The following EARS2 variants were observed in gnomAD, a reference collection of about 807,000 sequenced individuals.
EARS2 encodes the protein glutamyl-tRNA synthetase 2, mitochondrial.
Under a neutral mutation model 54.1 loss-of-function variants are expected in EARS2, and 50 were observed. That is an observed-to-expected ratio of 0.92 (90% confidence interval 0.74 to 1.17). The LOEUF is 1.17. EARS2 is among the 50% of genes most tolerant of loss of function. EARS2 has a pLI of 0.00. For synonymous variants in EARS2, 298 were observed against 281.0 expected, an observed-to-expected ratio of 1.06 and a Z score of -0.61; for missense variants, 673 against 675.0, an observed-to-expected ratio of 1.00 and a Z score of 0.03.
chr16:23,554,192 T>G (rs1044674609), intron 1 of EARS2, among the ~76,000 whole-genome samples: 4 of 150,898 alleles, frequency 2.7e-5, no homozygotes, highest in African/African-American at 9.7e-5. Flanking sequence ...GTTTTTTGGT[T>G]TTTTTTTTGC....
chr16:23,531,055 ATT>A (rs58745088), intron 5 of EARS2, among the ~76,000 whole-genome samples: 7 of 133,618 alleles, frequency 5.2e-5, no homozygotes, highest in Admixed American at 7.5e-5. Flanking sequence ...CGTCGGGCTG[ATT>A]TTTTTTTTTT....
chr16:23,556,499 C>A (rs1196905529), intron 1 of EARS2, among the ~76,000 whole-genome samples: 1 of 152,226 alleles, frequency 6.6e-6, no homozygotes, highest in African/African-American at 2.4e-5. Flanking sequence ...GGATTACAGG[C>A]ATGCGCCACC....
chr16:23,544,867 C>G, intron 2 of EARS2, 164 bp from the exon 3 acceptor site: 1 of 626,246 alleles, frequency 1.6e-6, no homozygotes, highest in South Asian at 2.5e-5. Context: ...GAGGCAGAGT[C>G]TTGCTCTGAT....
chr16:23,540,808 C>T (rs762012899), intron 3 of EARS2, among the ~76,000 whole-genome samples: 2 of 152,042 alleles, frequency 1.3e-5, no homozygotes, highest in Non-Finnish European at 1.5e-5. Context: ...CACGGTGAAA[C>T]CCCGTCTCTA....
In EARS2 at chr16:23,521,979, A is replaced by G. The variant is rs144471905; in HGVS notation, c.*2392T>C. 6.1e-5 allele frequency: 22 copies of G among 363,422 alleles called. No homozygotes were observed. Among genetic ancestry groups the G allele is most frequent in the African/African-American group, 3.6e-4 (17 of 46,978 alleles). 22.5% of individuals were successfully genotyped at this position (363,422 alleles called of 1,614,324 possible). ...TTAACTTTTCAGAACCTCGGTTTCCATATCTGTAACAGAAAAAAAAAATAC... is the reference window on the plus strand; with the variant it reads ...TTAACTTTTCAGAACCTCGGTTTCCGTATCTGTAACAGAAAAAAAAAATAC... On this transcript the variant is annotated 3_prime_UTR_variant, in exon 9 of 9. Transcript: ENST00000449606.
intron 4 of EARS2, among the ~76,000 whole-genome samples, chr16:23,534,285 T>G (rs1041512202): frequency 1.3e-5 from 2 of 152,206 alleles, no homozygotes; most frequent in Non-Finnish European, 2.9e-5. Flanking sequence ...TTAAATGAAA[T>G]GAGACCAGCA....
At chr16:23,544,857 G>T in intron 2 of EARS2, 154 bp from the exon 3 acceptor site, 1 of 683,594 alleles carries the variant, frequency 1.5e-6, no homozygotes, top group Non-Finnish European at 2.3e-6. Flanking sequence ...CTTTTTTTTT[G>T]AGGCAGAGTC....
Position 23,545,523 on chromosome 16 carries a change from C to T in EARS2, c.296-820G>A, listed in dbSNP as rs116862282. Among the ~76,000 whole-genome samples, 637 of 152,262 alleles carry T rather than the reference C, an allele frequency of 4.2e-3. 4 individuals carry two copies. The highest frequency in any genetic ancestry group is 6.9e-3 in the Admixed American group (106 of 15,282). ...ACCCTACCAGGTAGGTGCGGTTATT[C>T]CCCCACTCTGTGAGGACACTGAGGC... On this transcript the variant is annotated intron_variant, in intron 2 of 8. Coordinates refer to ENST00000449606, the MANE Select transcript of EARS2 (RefSeq NM_001083614.2).
intron 1 of EARS2, chr16:23,556,739 G>C (rs1426070481): frequency 8.0e-6 from 3 of 374,350 alleles, no homozygotes; most frequent in African/African-American, 6.4e-5. Context: ...TACCTGCTCA[G>C]TAAAGCCTTC....
Position 23,539,471 on chromosome 16 carries a change from C to T in EARS2, c.486-4111G>A, listed in dbSNP as rs554412547. Among the ~76,000 whole-genome samples the T allele has an allele frequency of 5.3e-5, 8 of 152,258 alleles. No individual in the cohort carries two copies. In the South Asian group the frequency reaches 1.5e-3, roughly 28 times the overall value. On this transcript the variant is annotated intron_variant, in intron 3 of 8. Coordinates refer to ENST00000449606, the MANE Select transcript of EARS2 (RefSeq NM_001083614.2). Reference sequence around the variant, plus strand: ...GCTTGTATGAAAACTGAGCAAGTGTCCATCATGACCCATAGGGTTCTGGGT... The same window carrying T: ...GCTTGTATGAAAACTGAGCAAGTGTTCATCATGACCCATAGGGTTCTGGGT...
intron 4 of EARS2, 70 bp from the exon 5 acceptor site, chr16:23,532,835 T>A: frequency 8.8e-7 from 1 of 1,131,422 alleles, no homozygotes. Flanking sequence ...TCTCTTTTTT[T>A]TAAGAGACAG....
At position 23,544,648 on chromosome 16, in the gene EARS2, T is replaced by C. The variant is rs375906347; in HGVS notation, c.351A>G (p.Gln117=). The change falls in exon 3 of 9, where the codon CAA becomes CAG. Residue 117 remains glutamine (Q), a synonymous_variant. Transcript: ENST00000449606. The part of the protein sequence containing the change: ...RRGGPAGPYQ[Q]SQRLELYAQA... ...GGGCATACAGCTCCAACCGCTGAGA[T>C]TGCTGGTAGGGCCCAGCAGGACCGC... 255 of 1,611,530 alleles carry C rather than the reference T, an allele frequency of 1.6e-4. No individual in the cohort carries two copies. Among genetic ancestry groups the C allele is most frequent in the Non-Finnish European group, 2.1e-4 (250 of 1,179,366 alleles).
At position 23,532,719 on chromosome 16, in the gene EARS2, G is replaced by A. The variant is rs1160101596; in HGVS notation, c.1005C>T (p.Asn335=). 2 of 1,614,012 alleles carry A rather than the reference G, an allele frequency of 1.2e-6. No homozygotes were observed. The highest frequency in any genetic ancestry group is 1.7e-6 in the Non-Finnish European group (2 of 1,180,020). ...CTGAGTGACAGGTGACCTGTGTCAG[G>A]TTGAACTGTGTGATCAGCTCCGGCA... ...RTLPELITQF[N]LTQVTCHSAL... Residue 335 remains asparagine (N), a synonymous_variant, in exon 5 of 9, where the codon AAC becomes AAT. Coordinates refer to ENST00000449606, the MANE Select transcript of EARS2 (RefSeq NM_001083614.2).
rs563627547 is a variant in EARS2 at position 23,532,552 on chromosome 16, G to T, written c.1067+105C>A. Reference sequence around the variant, plus strand: ...AAAGAGGCTAGGTGATTTAGCCATGGTCACACAGAATTAGGTACCAGAGCC... The same window carrying T: ...AAAGAGGCTAGGTGATTTAGCCATGTTCACACAGAATTAGGTACCAGAGCC... On this transcript the variant is annotated intron_variant, in intron 5 of 8. Transcript: ENST00000449606. 4.2e-6 allele frequency: 3 copies of T among 717,674 alleles called. No individual in the cohort carries two copies. In the East Asian group the frequency reaches 8.3e-5, roughly 20 times the overall value. The allele number at this position is 717,674 out of a possible 1,614,324, so 44.5% of individuals were successfully genotyped here.
intron 2 of EARS2, among the ~76,000 whole-genome samples, chr16:23,550,633 T>C (rs529902524): frequency 2.4e-4 from 37 of 152,192 alleles, no homozygotes; most frequent in African/African-American, 8.9e-4. Context: ...GAGATGGGGT[T>C]TCACTATGTT....
rs757384192 is a variant in EARS2 at position 23,535,075 on chromosome 16, G to T, written c.771C>A (p.His257Gln). ...AGCCCAGGGCCTGGTAGAGGAGCAG[G>T]TGCTTGGCAGTGGAGACGAGCCACT... ...GSEWLVSTAKHLLLYQALGWQ... is the reference protein window; with the variant it reads ...GSEWLVSTAKQLLLYQALGWQ... The change falls in exon 4 of 9, where the codon CAC (histidine) becomes CAA (glutamine). Residue 257 changes from histidine to glutamine, a missense_variant. Transcript: ENST00000449606. The T allele has an allele frequency of 1.2e-6, 2 of 1,603,502 alleles. No individual in the cohort carries two copies. Among genetic ancestry groups the T allele is most frequent in the South Asian group, 2.2e-5 (2 of 89,810 alleles).
At position 23,525,652 on chromosome 16, in the gene EARS2, T is replaced by C. The variant is rs867555928; in HGVS notation, c.1353-273A>G. On this transcript the variant is annotated intron_variant, in intron 7 of 8. Coordinates refer to ENST00000449606, the MANE Select transcript of EARS2 (RefSeq NM_001083614.2). ...GAGGCTTTACTCATTGCTACCTCTG[T>C]GTCATGCAATCTTTATGCCTCAGTT... 2.4e-4 allele frequency among the ~76,000 whole-genome samples: 37 copies of C among 152,286 alleles called. 1 individual carries two copies. In the Middle Eastern group the frequency reaches 0.017, roughly 70 times the overall value.
At chr16:23,544,885 A>C (rs771118289) in intron 2 of EARS2, 182 bp from the exon 3 acceptor site, 2 of 544,616 alleles carry the variant, frequency 3.7e-6, no homozygotes, top group Admixed American at 6.9e-5. Context: ...GATGTCGCCA[A>C]GGCTGGAGTG....
At chr16:23,526,449 T>C (rs1597006729) in intron 7 of EARS2, among the ~76,000 whole-genome samples, 1 of 152,156 alleles carries the variant, frequency 6.6e-6, no homozygotes, top group Admixed American at 6.5e-5. Flanking sequence ...TATTTGAATT[T>C]AAAATTTTTA....
Sources: gnomAD v4.1 joint callset for allele counts (sites outside exome capture counted in the v4.1 genomes callset) on GRCh38, gnomAD v4.1.1 for gene constraint, MANE v1.5 for transcripts, NCBI Gene and HGNC (gene_info 2026-07-23, HGNC 2026-07-21) for gene names.